The following SEMA6D variants were observed in gnomAD, a reference collection of about 807,000 sequenced individuals.
SEMA6D encodes semaphorin-6D.
In SEMA6D, 35 loss-of-function variants were observed where a neutral mutation model predicts 106.6. The observed-to-expected ratio is 0.33, with a 90% CI of 0.25 to 0.44. The LOEUF is 0.44. SEMA6D is among the 20% of genes least tolerant of loss of function. SEMA6D has a pLI of 1.00. For synonymous variants in SEMA6D, 499 were observed against 487.7 expected (o/e 1.02, Z -0.31); for missense variants, 1,185 against 1,345.9 (o/e 0.88, Z 1.87).
chr15:47,571,820 A>G (rs1404309729), intron 3 of SEMA6D, among the ~76,000 whole-genome samples: 1 of 152,184 alleles, frequency 6.6e-6, no homozygotes, highest in Non-Finnish European at 1.5e-5. Flanking sequence ...TTGGCTATAC[A>G]TGTGTGTGTC....
chr15:47,245,200 T>C (rs555499028), intron 1 of SEMA6D, among the ~76,000 whole-genome samples: 319 of 152,264 alleles, frequency 2.1e-3, no homozygotes, highest in Non-Finnish European at 3.9e-3. Flanking sequence ...AATTTATTTT[T>C]CTTTTGGTAT....
At chr15:47,761,113 A>G (rs993790174) in intron 4 of SEMA6D, 45 bp from the exon 5 acceptor site, 2 of 1,612,214 alleles carry the variant, frequency 1.2e-6, no homozygotes, top group African/African-American at 1.3e-5. Context: ...CTCCCCAAAA[A>G]TGTTCGCAGT....
intron 1 of SEMA6D, among the ~76,000 whole-genome samples, chr15:47,212,067 A>C (rs2030074361): frequency 6.6e-6 from 1 of 152,188 alleles, no homozygotes; most frequent in African/African-American, 2.4e-5. Flanking sequence ...TTAACAATAA[A>C]CTGACAGGTC....
intron 1 of SEMA6D, among the ~76,000 whole-genome samples, chr15:47,734,149 G>T (rs189472241): frequency 2.6e-5 from 4 of 152,306 alleles, no homozygotes; most frequent in Admixed American, 1.3e-4. Flanking sequence ...TAACTTTCTG[G>T]ATTAGCTCAA....
intron 1 of SEMA6D, among the ~76,000 whole-genome samples, chr15:47,223,464 T>C (rs2031387850): frequency 6.6e-6 from 1 of 152,094 alleles, no homozygotes; most frequent in Non-Finnish European, 1.5e-5. Flanking sequence ...CCCTTTGATT[T>C]TTATTTTTTG....
At chr15:47,745,653 G>A (rs2081085910) in intron 1 of SEMA6D, among the ~76,000 whole-genome samples, 1 of 152,220 alleles carries the variant, frequency 6.6e-6, no homozygotes, top group Admixed American at 6.5e-5. Flanking sequence ...CAGATACAGA[G>A]CCTAGACAAA....
intron 3 of SEMA6D, among the ~76,000 whole-genome samples, chr15:47,571,832 G>A (rs1022672616): frequency 6.6e-6 from 1 of 152,178 alleles, no homozygotes; most frequent in Non-Finnish European, 1.5e-5. Flanking sequence ...GTGTGTGTCT[G>A]TGTATGTGTG....
chr15:47,691,376 G>A (rs11070605), intron 4 of SEMA6D, among the ~76,000 whole-genome samples: 38,466 of 151,920 alleles, frequency 0.25, 5,063 homozygotes, highest in South Asian at 0.3. Flanking sequence ...AGAGGTGGTA[G>A]GCAGTATAAA....
chr15:47,725,727 T>A (rs1378452072), intron 1 of SEMA6D, among the ~76,000 whole-genome samples: 2 of 152,244 alleles, frequency 1.3e-5, no homozygotes, highest in African/African-American at 4.8e-5. Flanking sequence ...CCAGAAGTTC[T>A]GTGTAGTATA....
At chr15:47,462,249 A>ATTACCAAT (rs2042536364) in intron 2 of SEMA6D, among the ~76,000 whole-genome samples, 1 of 151,988 alleles carries the variant, frequency 6.6e-6, no homozygotes, top group Non-Finnish European at 1.5e-5. Flanking sequence ...CTATTATTTA[A>ATTACCAAT]AATTTAAGTC....
intron 1 of SEMA6D, among the ~76,000 whole-genome samples, chr15:47,324,623 A>T (rs1292981591): frequency 6.6e-6 from 1 of 151,206 alleles, no homozygotes; most frequent in Non-Finnish European, 1.5e-5. Context: ...TGAGAAAAAG[A>T]TATACACATA....
At chr15:47,762,085 G>T in intron 7 of SEMA6D, 115 bp from the exon 8 acceptor site, 2 of 1,131,744 alleles carry the variant, frequency 1.8e-6, no homozygotes, top group Non-Finnish European at 1.3e-6. Flanking sequence ...AGCCCTATTT[G>T]TATAGATAAT....
intron 4 of SEMA6D, among the ~76,000 whole-genome samples, chr15:47,629,148 C>G (rs2077251960): frequency 6.6e-6 from 1 of 152,058 alleles, no homozygotes; most frequent in South Asian, 2.1e-4. Context: ...CATAATAAGT[C>G]ATAAAATTGA....
At chr15:47,662,445 T>C (rs1406324176) in intron 4 of SEMA6D, among the ~76,000 whole-genome samples, 1 of 152,114 alleles carries the variant, frequency 6.6e-6, no homozygotes, top group African/African-American at 2.4e-5. Flanking sequence ...TTCATCTCAG[T>C]TTTATCTTCT....
At chr15:47,702,953 C>T (rs2078843223) in intron 4 of SEMA6D, among the ~76,000 whole-genome samples, 1 of 152,086 alleles carries the variant, frequency 6.6e-6, no homozygotes, top group Admixed American at 6.5e-5. Context: ...ATTATGCATT[C>T]ATCCAAACTC....
intron 1 of SEMA6D, among the ~76,000 whole-genome samples, chr15:47,353,483 C>T (rs564129721): frequency 1.3e-4 from 20 of 152,322 alleles, no homozygotes; most frequent in African/African-American, 4.8e-4. Flanking sequence ...TTTCCACATG[C>T]CGTTCCATTG....
Position 47,764,992 on chromosome 15 carries a change from A to G in SEMA6D, c.1363A>G (p.Thr455Ala), listed in dbSNP as rs1204552476. ...AGMVLKVLAKTSPFSLNDSVL... is the reference protein window; with the variant it reads ...AGMVLKVLAKASPFSLNDSVL... ...CATGGTACTTAAAGTTCTGGCAAAG[A>G]CCAGTCCTTTCTCTTTGAACGACAG... Residue 455 changes from threonine (T) to alanine (A), a missense_variant, in exon 13 of 19, where the codon ACC becomes GCC. Physicochemically the swap from Thr to Ala is moderately conservative, Grantham distance 58 (BLOSUM62 0). Coordinates refer to ENST00000536845, the MANE Select transcript of SEMA6D (RefSeq NM_001358351.3). The G allele has an allele frequency of 6.2e-7, 1 of 1,613,860 alleles. No individual in the cohort carries two copies. Among genetic ancestry groups the G allele is most frequent in the Non-Finnish European group, 8.5e-7 (1 of 1,179,830 alleles).
intron 3 of SEMA6D, among the ~76,000 whole-genome samples, chr15:47,504,390 GGA>G (rs774063531): frequency 3.9e-4 from 60 of 152,212 alleles, no homozygotes; most frequent in Non-Finnish European, 7.2e-4. Context: ...CTCTTCTTCA[GGA>G]GAGAGGAGTT....
chr15:47,298,076 A>G (rs1248456912), intron 1 of SEMA6D, among the ~76,000 whole-genome samples: 1 of 152,190 alleles, frequency 6.6e-6, no homozygotes, highest in Non-Finnish European at 1.5e-5. Context: ...TCTGATTTAT[A>G]CTCTAACAGG....
Sources: allele counts gnomAD v4.1 joint callset (sites outside exome capture counted in the v4.1 genomes callset), GRCh38; gene constraint gnomAD v4.1.1; transcripts MANE v1.5; gene names NCBI Gene and HGNC (gene_info 2026-07-23, HGNC 2026-07-21).